PCDHGB4: variants seen among roughly 807,000 people sequenced by gnomAD.
PCDHGB4 encodes the protein protocadherin gamma-B4.
Under a neutral mutation model 60.5 loss-of-function variants are expected in PCDHGB4, and 38 were observed. The ratio of observed to expected loss-of-function variants is 0.63; its 90% CI spans 0.48 to 0.82. PCDHGB4 has a LOEUF of 0.82. PCDHGB4 is among the 40% of genes least tolerant of loss of function. PCDHGB4 has a pLI of 0.00. For synonymous variants in PCDHGB4, 456 were observed against 509.7 expected, an observed-to-expected ratio of 0.89 and a Z score of 1.42; for missense variants, 1,109 against 1,209.6, an observed-to-expected ratio of 0.92 and a Z score of 1.23.
chr5:141,500,839 G>A (rs2099802871), intron 2 of PCDHGB4, among the ~76,000 whole-genome samples: 1 of 151,906 alleles, frequency 6.6e-6, no homozygotes, highest in African/African-American at 2.4e-5. Flanking sequence ...ATGCTAATGG[G>A]CTTTTGCTAC....
rs777111805 is a variant in PCDHGB4, at chr5:141,395,298, GT to G, written c.2397+5021del. On this transcript the variant is annotated intron_variant, in intron 1 of 3. Coordinates refer to ENST00000519479, the MANE Select transcript of PCDHGB4 (RefSeq NM_003736.4). ...ATGAATTTTATTTGGCATAAATTAT[GT>G]TTTGAAAAACATTGTGAAGATAGTT... 6 of 1,522,174 alleles carry G rather than the reference GT, an allele frequency of 3.9e-6. No homozygotes were observed. The East Asian group carries it at 9.1e-5, about 23-fold the overall frequency. The allele number at this position is 1,522,174 out of a possible 1,614,324, so 94.3% of individuals were successfully genotyped here.
At position 141,494,826 on chromosome 5, in the gene PCDHGB4, A is replaced by C; in HGVS notation, c.2417A>C (p.Asp806Ala). The change falls in exon 2 of 4, where the codon GAC becomes GCC. Residue 806 changes from aspartate to alanine, a missense_variant. Asp to Ala is a moderately radical substitution (Grantham distance 126, BLOSUM62 -2). Transcript: ENST00000519479. The part of the protein sequence containing the change: ...TSHQQAPPNT[D>A]WRFSQAQRPG... ...CCACAGCAAGCCCCGCCCAACACGGACTGGCGTTTCTCTCAGGCCCAGAGA... is the reference window on the plus strand; with the variant it reads ...CCACAGCAAGCCCCGCCCAACACGGCCTGGCGTTTCTCTCAGGCCCAGAGA... 4 of 1,613,960 alleles carry C rather than the reference A, an allele frequency of 2.5e-6. No individual in the cohort carries two copies. Among genetic ancestry groups the C allele is most frequent in the Non-Finnish European group, 3.4e-6 (4 of 1,179,976 alleles).
In PCDHGB4 at chr5:141,399,908, C is replaced by T. The variant is rs141997055; in HGVS notation, c.2397+9627C>T. 17,269 of 1,612,412 alleles carry T rather than the reference C, an allele frequency of 0.011. 105 individuals are homozygous for T. Among genetic ancestry groups the T allele is most frequent in the Non-Finnish European group, 0.012 (14,309 of 1,179,754 alleles). On this transcript the variant is annotated intron_variant, in intron 1 of 3. Transcript: ENST00000519479. ...AAGGTAGTGGCCGTGGACGCAGACT[C>T]AGGACACAACGCCTGGCTGTCCTAC... is the stretch of plus-strand genomic sequence containing the variant.
chr5:141,505,041 C>T (rs1028101225), intron 2 of PCDHGB4, among the ~76,000 whole-genome samples: 4 of 152,142 alleles, frequency 2.6e-5, no homozygotes, highest in African/African-American at 9.7e-5. Flanking sequence ...AGGTGCCTGT[C>T]ATCCCAGCTA....
chr5:141,482,205 C>A (rs1478729653), intron 1 of PCDHGB4, among the ~76,000 whole-genome samples: 1 of 151,896 alleles, frequency 6.6e-6, no homozygotes, highest in Non-Finnish European at 1.5e-5. Context: ...TAAAACAGAC[C>A]AGGTACTTGT....
intron 1 of PCDHGB4, among the ~76,000 whole-genome samples, chr5:141,396,957 T>C (rs1169025850): frequency 6.6e-6 from 1 of 152,214 alleles, no homozygotes; most frequent in East Asian, 1.9e-4. Flanking sequence ...AGAAAATCCT[T>C]ACTCTCCCTA....
At chr5:141,456,341 C>G (rs950158154) in intron 1 of PCDHGB4, among the ~76,000 whole-genome samples, 4 of 152,034 alleles carry the variant, frequency 2.6e-5, no homozygotes, top group Admixed American at 1.3e-4. Context: ...TAAGGGTCCT[C>G]GGAAGAATGG....
At chr5:141,408,378 TG>T (rs780092463) in intron 1 of PCDHGB4, 2 of 1,614,002 alleles carry the variant, frequency 1.2e-6, no homozygotes, top group Admixed American at 1.7e-5. Flanking sequence ...CTCAGTGTCC[TG>T]GATGTGTCGG....
intron 1 of PCDHGB4, among the ~76,000 whole-genome samples, chr5:141,442,917 G>A (rs1041756930): frequency 6.6e-6 from 1 of 152,178 alleles, no homozygotes; most frequent in Non-Finnish European, 1.5e-5. Context: ...GCACACAACT[G>A]TTTCATTTTC....
rs762881601 is a variant in PCDHGB4, at chr5:141,392,998, A to ACGGAGTC, written c.2397+2720_2397+2726dup. 1.9e-6 allele frequency: 3 copies of ACGGAGTC among 1,613,876 alleles called. No individual in the cohort carries two copies. In the East Asian group the frequency reaches 6.7e-5, roughly 36 times the overall value. On this transcript the variant is annotated intron_variant, in intron 1 of 3. Transcript: ENST00000519479. ...CTGGACCCCCGGAAGCTGGCGAAGCACGGAGTCCGTATCGTCTCCAGAGGT... is the reference window on the plus strand; with the variant it reads ...CTGGACCCCCGGAAGCTGGCGAAGCACGGAGTCCGGAGTCCGTATCGTCTCCAGAGGT...
rs2099394923 is a variant in PCDHGB4 at position 141,476,611 on chromosome 5, A to G, written c.2398-18196A>G. On this transcript the variant is annotated intron_variant, in intron 1 of 3. Coordinates refer to ENST00000519479, the MANE Select transcript of PCDHGB4 (RefSeq NM_003736.4). The surrounding 1 kb of genome is among the most constrained non-coding windows in gnomAD (Gnocchi z 7.6). ...AGAGCGCGCACGATCCCGATGTGGG[A>G]AGCAACTCTTTACAAACCTATGAGC... 6.2e-7 allele frequency: 1 copy of G among 1,614,092 alleles called. No individual in the cohort carries two copies. Among genetic ancestry groups the G allele is most frequent in the Non-Finnish European group, 8.5e-7 (1 of 1,180,042 alleles).
chr5:141,390,526 T>C, intron 1 of PCDHGB4: 1 of 548,274 alleles, frequency 1.8e-6, no homozygotes, highest in East Asian at 3.2e-5. Context: ...AATGAGGGTG[T>C]GGTTTTAACC....
chr5:141,490,910 A>G lies in PCDHGB4; in HGVS notation c.2398-3897A>G. The G allele has an allele frequency of 1.2e-6, 2 of 1,613,652 alleles. No individual in the cohort carries two copies. Among genetic ancestry groups the G allele is most frequent in the African/African-American group, 1.3e-5 (1 of 75,048 alleles). ...TCTCTGCATGTGTTTGTCCTAGACG[A>G]GAATGATAATGCCCCAGCTGTGCTG... On this transcript the variant is annotated intron_variant, in intron 1 of 3. Transcript: ENST00000519479. This position sits in a 1 kb window ranked among gnomAD's most constrained non-coding sequence, Gnocchi z 5.4.
Position 141,490,920 on chromosome 5 carries a change from T to A in PCDHGB4, c.2398-3887T>A. 1.2e-6 allele frequency: 2 copies of A among 1,613,638 alleles called. No homozygotes were observed. The highest frequency in any genetic ancestry group is 1.7e-6 in the Non-Finnish European group (2 of 1,179,684). The stretch of plus-strand genomic sequence containing the variant: ...TGTTTGTCCTAGACGAGAATGATAA[T>A]GCCCCAGCTGTGCTGCACCCACGGC... On this transcript the variant is annotated intron_variant, in intron 1 of 3. Coordinates refer to ENST00000519479, the MANE Select transcript of PCDHGB4 (RefSeq NM_003736.4). This position sits in a 1 kb window ranked among gnomAD's most constrained non-coding sequence, Gnocchi z 5.4.
At chr5:141,395,807 A>G (rs1561656089) in intron 1 of PCDHGB4, 1 of 152,004 alleles carries the variant, frequency 6.6e-6, no homozygotes, top group Non-Finnish European at 1.5e-5. Context: ...ATCCTTCAAA[A>G]CATGAACAAA....
chr5:141,474,486 C>G (rs531956129), intron 1 of PCDHGB4, among the ~76,000 whole-genome samples: 11 of 152,326 alleles, frequency 7.2e-5, no homozygotes, highest in African/African-American at 2.4e-4. Context: ...TAAATGTATT[C>G]TATCTTCTAA....
At chr5:141,462,035 C>T (rs35674654) in intron 1 of PCDHGB4, among the ~76,000 whole-genome samples, 14,886 of 152,176 alleles carry the variant, frequency 0.098, 964 homozygotes, top group Non-Finnish European at 0.14. Context: ...GTTGGTCAGG[C>T]GGGTCTTGAA....
At chr5:141,498,012 A>T (rs184213306) in intron 2 of PCDHGB4, among the ~76,000 whole-genome samples, 6 of 152,348 alleles carry the variant, frequency 3.9e-5, no homozygotes, top group Non-Finnish European at 8.8e-5. Context: ...CAGTGCACTG[A>T]AGGAGACAAA....
At chr5:141,427,615 A>G (rs1428096450) in intron 1 of PCDHGB4, 2 of 693,732 alleles carry the variant, frequency 2.9e-6, no homozygotes, top group Non-Finnish European at 5.3e-6. Context: ...GGTGAAGTCA[A>G]CGACAATGCT....
Sources: gnomAD v4.1 joint callset for allele counts (sites outside exome capture counted in the v4.1 genomes callset) on GRCh38, gnomAD v4.1.1 for gene constraint, Gnocchi (gnomAD v3.1) non-coding constraint, MANE v1.5 for transcripts, NCBI Gene and HGNC (gene_info 2026-07-23, HGNC 2026-07-21) for gene names.